CFAP46: variants seen among roughly 807,000 people sequenced by gnomAD.
The protein encoded by CFAP46 is cilia and flagella associated protein 46.
A neutral mutation model predicts 325.7 loss-of-function variants in CFAP46; 245 were observed. The ratio of observed to expected loss-of-function variants is 0.75; its 90% CI spans 0.68 to 0.84. The LOEUF (loss-of-function observed/expected upper bound fraction) is 0.84, where lower values mean the gene tolerates loss of function less well. Ranked by LOEUF, CFAP46 falls within the 40% of genes least tolerant of loss-of-function variation. CFAP46 has a pLI of 0.00. For missense variants in CFAP46, 3,346 were observed against 3,543.0 expected, an observed-to-expected ratio of 0.94 and a Z score of 1.41; for synonymous variants, 1,523 against 1,495.9, an observed-to-expected ratio of 1.02 and a Z score of -0.42.
In CFAP46 at chr10:132,937,805, T is replaced by G. The variant is rs537679434; in HGVS notation, c.537-130A>C. The G allele has an allele frequency of 1.4e-4, 177 of 1,301,176 alleles. No homozygotes were observed. The African/African-American group carries it at 2.3e-3, about 17-fold the overall frequency. The allele number at this position is 1,301,176 out of a possible 1,614,324, so 80.6% of individuals were successfully genotyped here. A position where few individuals can be genotyped will look rare whatever the true frequency, so the allele number is the denominator to read the frequency against. ...AAAAGCTACCCTGGGGTCAGCTTCTTCAGCCAGAACCAGGCTGTGTGGCTC... is the reference window on the plus strand; with the variant it reads ...AAAAGCTACCCTGGGGTCAGCTTCTGCAGCCAGAACCAGGCTGTGTGGCTC... On this transcript the variant is annotated intron_variant, in intron 5 of 57. Transcript: ENST00000368586.
chr10:132,839,267 G>C (rs1218077478), intron 44 of CFAP46, among the ~76,000 whole-genome samples: 1 of 152,216 alleles, frequency 6.6e-6, no homozygotes, highest in African/African-American at 2.4e-5. Flanking sequence ...GTGGCCACAG[G>C]GGGGTGGCGC....
intron 17 of CFAP46, among the ~76,000 whole-genome samples, chr10:132,915,623 G>A (rs1186274816): frequency 4.0e-5 from 6 of 151,628 alleles, no homozygotes; most frequent in Non-Finnish European, 7.4e-5. Context: ...CTGCCCCGAG[G>A]GACCGGCGAG....
rs1159789720 is a variant in CFAP46, at chr10:132,850,326, C to T, written c.5870G>A (p.Gly1957Asp). The T allele has an allele frequency of 1.9e-6, 3 of 1,552,654 alleles. No individual in the cohort carries two copies. Among genetic ancestry groups the T allele is most frequent in the Middle Eastern group, 1.7e-4 (1 of 5,750 alleles). ...GCVEIRARLL[G>D]LAGRALHLLA... ...CAGGTGCAGGGCCCTCCCGGCCAGG[C>T]CCAGGAGCCGGGCGCGGATCTCCAC... The change falls in exon 41 of 58, where the codon GGC becomes GAC. Residue 1957 changes from glycine (G) to aspartate (D), a missense_variant. By Grantham distance (94) the Gly-to-Asp change is moderately conservative. Transcript: ENST00000368586.
At chr10:132,879,697 C>T in intron 28 of CFAP46, 66 bp from the exon 29 acceptor site, 1 of 1,407,118 alleles carries the variant, frequency 7.1e-7, no homozygotes. Flanking sequence ...CCAGGCCACT[C>T]CCTTCCCTGC....
intron 8 of CFAP46, among the ~76,000 whole-genome samples, chr10:132,930,240 C>A (rs1052220626): frequency 2.6e-5 from 4 of 151,558 alleles, no homozygotes; most frequent in African/African-American, 4.9e-5. Flanking sequence ...AGAGCCCGAA[C>A]CTTCCTCCTC....
chr10:132,866,641 C>T (rs1434402946), intron 34 of CFAP46, among the ~76,000 whole-genome samples: 3 of 152,196 alleles, frequency 2.0e-5, no homozygotes, highest in Non-Finnish European at 4.4e-5. Context: ...ATCCCCCCAG[C>T]CTCTCCTCGC....
chr10:132,824,317 CTGA>C lies in CFAP46; in HGVS notation c.7117+9038_7117+9040del, dbSNP rs1485490734. ...ATGTGTGCTGTGTGCTGTGTGTGCA[CTGA>C]TGTGTGCTGTGTGTGTGCTGTGTGC... On this transcript the variant is annotated intron_variant, in intron 50 of 57. Coordinates refer to ENST00000368586, the MANE Select transcript of CFAP46 (RefSeq NM_001200049.3). 9.2e-5 allele frequency among the ~76,000 whole-genome samples: 10 copies of C among 109,052 alleles called. No individual in the cohort carries two copies. The East Asian group carries it at 2.7e-3, about 29-fold the overall frequency. The allele number at this position is 109,052 out of a possible 152,430, so 71.5% of individuals were successfully genotyped here.
chr10:132,900,328 C>T (rs972430337), intron 22 of CFAP46, among the ~76,000 whole-genome samples: 6 of 152,220 alleles, frequency 3.9e-5, no homozygotes, highest in Non-Finnish European at 5.9e-5. Context: ...ATCAGCTCCA[C>T]GGCTCCTCAT....
At position 132,876,399 on chromosome 10, in the gene CFAP46, G is replaced by C. The variant is rs116843864; in HGVS notation, c.4362+413C>G. Among the ~76,000 whole-genome samples, 3,443 of 152,318 alleles carry C rather than the reference G, an allele frequency of 0.023. 72 individuals are homozygous for C. Among genetic ancestry groups the C allele is most frequent in the Middle Eastern group, 0.065 (19 of 294 alleles). On this transcript the variant is annotated intron_variant, in intron 31 of 57. Transcript: ENST00000368586. The surrounding 1 kb of genome is among the most constrained non-coding windows in gnomAD (Gnocchi z 4.1). ...GGCCACGTGACCACAGAGGCTGACCGGGATGAGGAAAGAGGGATCTTCCCC... is the reference window on the plus strand; with the variant it reads ...GGCCACGTGACCACAGAGGCTGACCCGGATGAGGAAAGAGGGATCTTCCCC...
intron 34 of CFAP46, among the ~76,000 whole-genome samples, chr10:132,866,745 G>T (rs942639549): frequency 9.2e-5 from 14 of 152,246 alleles, no homozygotes; most frequent in Non-Finnish European, 5.9e-5. Context: ...TGTCCTGACT[G>T]CCAGGTCACA....
At chr10:132,829,778 T>A (rs143771254) in intron 50 of CFAP46, among the ~76,000 whole-genome samples, 2,116 of 152,384 alleles carry the variant, frequency 0.014, 20 homozygotes, top group South Asian at 0.045. Flanking sequence ...ATTGCAATCA[T>A]CAGATAGTCT....
chr10:132,942,393 CG>C, intron 1 of CFAP46, 42 bp downstream of exon 1: 1 of 1,354,716 alleles, frequency 7.4e-7, no homozygotes, highest in Non-Finnish European at 9.4e-7. Context: ...TGGCGGGTCC[CG>C]GGGCCTCCCC....
chr10:132,843,161 T>A (rs1057008258), intron 44 of CFAP46, among the ~76,000 whole-genome samples: 1 of 152,232 alleles, frequency 6.6e-6, no homozygotes, highest in Non-Finnish European at 1.5e-5. Context: ...GCCCTTCATT[T>A]AGGAGAGCAC....
Position 132,851,134 on chromosome 10 carries a change from A to G in CFAP46, c.5746T>C (p.Tyr1916His). The change falls in exon 40 of 58, where the codon TAC becomes CAC. Residue 1916 changes from tyrosine to histidine, a missense_variant. By Grantham distance (83) the Tyr-to-His change is moderately conservative. Coordinates refer to ENST00000368586, the MANE Select transcript of CFAP46 (RefSeq NM_001200049.3). ...LADYLQNTSDYTSVGLQWFTL... is the reference protein window; with the variant it reads ...LADYLQNTSDHTSVGLQWFTL... ...GCAATTACCAGGCCGACGGAAGTGT[A>G]GTCACTGGTGTTCTGCAGATAGTCC... 1.2e-6 allele frequency: 2 copies of G among 1,613,916 alleles called. No homozygotes were observed. The highest frequency in any genetic ancestry group is 2.2e-5 in the South Asian group (2 of 91,074).
intron 25 of CFAP46, among the ~76,000 whole-genome samples, chr10:132,887,814 CTCTTCTCTCCTCTCCCT>C (rs1849181542): frequency 7.2e-5 from 7 of 97,262 alleles, no homozygotes; most frequent in Non-Finnish European, 6.1e-5. Flanking sequence ...CTCCTCTCCC[CTCTTCTCTCCTCTCCCT>C]TCTTCTCTCT....
At chr10:132,934,974 G>A in intron 7 of CFAP46, 112 bp from the exon 8 acceptor site, 1 of 736,402 alleles carries the variant, frequency 1.4e-6, no homozygotes, top group Non-Finnish European at 2.4e-6. Flanking sequence ...AGAGGAGACT[G>A]AAAATAACCC....
intron 47 of CFAP46, 59 bp from the exon 48 acceptor site, chr10:132,834,834 C>CG: frequency 1.3e-6 from 2 of 1,566,294 alleles, no homozygotes; most frequent in Non-Finnish European, 1.7e-6. Context: ...CCAGACCCCG[C>CG]GAGGGCCAGG....
At chr10:132,904,620 C>T (rs112649601) in intron 22 of CFAP46, among the ~76,000 whole-genome samples, 1 of 152,262 alleles carries the variant, frequency 6.6e-6, no homozygotes, top group Admixed American at 6.5e-5. Context: ...CCAGCCCCCA[C>T]ATCCTCCTGT....
At position 132,837,608 on chromosome 10, in the gene CFAP46, C is replaced by CAT. The variant is rs398015128; in HGVS notation, c.6439-695_6439-694insAT. Among the ~76,000 whole-genome samples, 6 of 143,096 alleles carry CAT rather than the reference C, an allele frequency of 4.2e-5. 1 individual carries two copies. The highest frequency in any genetic ancestry group is 3.5e-4 in the Admixed American group (5 of 14,372). The allele number at this position is 143,096 out of a possible 152,430, so 93.9% of individuals were successfully genotyped here. ...ACGTACACAGATGCGCACGGACACA[C>CAT]GCACACGTACACAGACATGCACGGA... On this transcript the variant is annotated intron_variant, in intron 44 of 57. Coordinates refer to ENST00000368586, the MANE Select transcript of CFAP46 (RefSeq NM_001200049.3).
Sources: gnomAD v4.1 joint callset for allele counts (sites outside exome capture counted in the v4.1 genomes callset) on GRCh38, gnomAD v4.1.1 for gene constraint, Gnocchi (gnomAD v3.1) non-coding constraint, MANE v1.5 for transcripts, NCBI Gene and HGNC (gene_info 2026-07-23, HGNC 2026-07-21) for gene names.